The following BCAS3 variants were observed in gnomAD, a reference collection of about 807,000 sequenced individuals.
BCAS3 encodes BCAS3 microtubule associated cell migration factor.
In BCAS3, 53 loss-of-function variants were observed where a neutral mutation model predicts 116.1. The observed-to-expected ratio is 0.46, with a 90% confidence interval of 0.37 to 0.57. BCAS3 has a LOEUF of 0.57. Among genes scored for constraint, BCAS3 ranks in the 20% least tolerant of loss-of-function variants. The probability of loss-of-function intolerance (pLI) is 0.00; values close to 1 mark genes in which losing one functional copy is unlikely to be tolerated. For missense variants in BCAS3, 917 were observed against 1,165.4 expected (o/e 0.79, Z 3.10); for synonymous variants, 391 against 408.2 (o/e 0.96, Z 0.51).
intron 5 of BCAS3, among the ~76,000 whole-genome samples, chr17:60,737,574 C>T (rs2041105321): frequency 6.6e-6 from 1 of 152,002 alleles, no homozygotes; most frequent in African/African-American, 2.4e-5. Flanking sequence ...CTGCATTTCA[C>T]AAATTTTCTT....
rs2072877560 is a variant in BCAS3 at position 61,084,009 on chromosome 17, G to T, written c.2328-458G>T. ...AGTAACTTTCATTGAGCATTTTAAT[G>T]GAGCATCTCAAAATTTGAAATTACA... is the stretch of plus-strand genomic sequence containing the variant. On this transcript the variant is annotated intron_variant, in intron 21 of 23. Coordinates refer to ENST00000407086, the MANE Select transcript of BCAS3 (RefSeq NM_017679.5). This position sits in a 1 kb window ranked among gnomAD's most constrained non-coding sequence, Gnocchi z 5.5. 6.6e-6 allele frequency among the ~76,000 whole-genome samples: 1 copy of T among 151,658 alleles called. No homozygotes were observed. The highest frequency in any genetic ancestry group is 1.5e-5 in the Non-Finnish European group (1 of 67,886).
At chr17:60,802,542 A>C (rs1264979109) in intron 6 of BCAS3, among the ~76,000 whole-genome samples, 3 of 152,082 alleles carry the variant, frequency 2.0e-5, no homozygotes, top group Non-Finnish European at 4.4e-5. Context: ...CTTCCTGTGT[A>C]GTATTAGATA....
chr17:60,741,511 A>T (rs1321081035), intron 5 of BCAS3, among the ~76,000 whole-genome samples: 1 of 152,220 alleles, frequency 6.6e-6, no homozygotes, highest in African/African-American at 2.4e-5. Context: ...GTACTATCAT[A>T]CCTATCTGTG....
chr17:60,793,036 A>G (rs1461273184), intron 6 of BCAS3, among the ~76,000 whole-genome samples: 1 of 151,824 alleles, frequency 6.6e-6, no homozygotes, highest in Non-Finnish European at 1.5e-5. Context: ...TAATGTTCTC[A>G]AGGTTCATCC....
intron 6 of BCAS3, among the ~76,000 whole-genome samples, chr17:60,790,846 C>T (rs2046709422): frequency 1.3e-5 from 2 of 148,482 alleles, no homozygotes; most frequent in Admixed American, 1.4e-4. Context: ...CCGGTTTAAG[C>T]AATTCTCCTA....
chr17:61,017,384 G>A lies in BCAS3; in HGVS notation c.1637+1483G>A, dbSNP rs1452659197. Among the ~76,000 whole-genome samples, 2 of 152,038 alleles carry A rather than the reference G, an allele frequency of 1.3e-5. No homozygotes were observed. On this transcript the variant is annotated intron_variant, in intron 16 of 23. Coordinates refer to ENST00000407086, the MANE Select transcript of BCAS3 (RefSeq NM_017679.5). The surrounding 1 kb of genome is among the most constrained non-coding windows in gnomAD (Gnocchi z 4.7). ...AATTGTATCATCTTGATTCACTCCA[G>A]CATTGTACAATTCTCCAAAGTACTT...
intron 7 of BCAS3, among the ~76,000 whole-genome samples, chr17:60,818,405 T>G (rs567192617): frequency 2.6e-5 from 4 of 152,324 alleles, no homozygotes; most frequent in South Asian, 4.1e-4. Context: ...CTGCAGTGAC[T>G]TTATTTCAAC....
At chr17:61,178,691 A>G (rs1354417517) in intron 22 of BCAS3, among the ~76,000 whole-genome samples, 1 of 152,226 alleles carries the variant, frequency 6.6e-6, no homozygotes, top group East Asian at 1.9e-4. Context: ...GGTAATTGAC[A>G]TAACTTTTAA....
chr17:61,192,662 C>T (rs2080217356), intron 22 of BCAS3, among the ~76,000 whole-genome samples: 1 of 152,166 alleles, frequency 6.6e-6, no homozygotes, highest in Admixed American at 6.5e-5. Context: ...TACTTTTACA[C>T]AGTGGCAGTT....
chr17:61,273,101 CTTTAT>C (rs1041822696), intron 22 of BCAS3, among the ~76,000 whole-genome samples: 15 of 151,502 alleles, frequency 9.9e-5, no homozygotes, highest in African/African-American at 3.2e-4. Context: ...TCTGTTTTGC[CTTTAT>C]TTTATTTTTT....
intron 14 of BCAS3, among the ~76,000 whole-genome samples, chr17:60,953,629 G>A (rs930264572): frequency 3.9e-5 from 6 of 152,118 alleles, no homozygotes; most frequent in Non-Finnish European, 8.8e-5. Context: ...TCTTTGTCAT[G>A]AAACCTTTGC....
chr17:61,049,389 A>G (rs1438179096), intron 19 of BCAS3, among the ~76,000 whole-genome samples: 1 of 152,020 alleles, frequency 6.6e-6, no homozygotes, highest in African/African-American at 2.4e-5. Flanking sequence ...TTGTTTCTAA[A>G]ATGAAACACA....
intron 22 of BCAS3, among the ~76,000 whole-genome samples, chr17:61,230,194 A>G (rs1462781235): frequency 6.6e-6 from 1 of 152,090 alleles, no homozygotes; most frequent in Non-Finnish European, 1.5e-5. Context: ...ATATGTGCAT[A>G]TATGTATACT....
intron 22 of BCAS3, among the ~76,000 whole-genome samples, chr17:61,263,518 G>C (rs1397573536): frequency 6.6e-6 from 1 of 152,238 alleles, no homozygotes; most frequent in Non-Finnish European, 1.5e-5. Flanking sequence ...CAGCCTCATG[G>C]GACACAGAAC....
intron 13 of BCAS3, among the ~76,000 whole-genome samples, chr17:60,938,927 C>A (rs570651662): frequency 6.6e-6 from 1 of 152,244 alleles, no homozygotes; most frequent in South Asian, 2.1e-4. Context: ...ATTAAAAAGA[C>A]TGACAGTATC....
intron 6 of BCAS3, among the ~76,000 whole-genome samples, chr17:60,802,674 T>C (rs1480608067): frequency 6.6e-6 from 1 of 152,096 alleles, no homozygotes; most frequent in Non-Finnish European, 1.5e-5. Flanking sequence ...GGAGTTTCAC[T>C]CTTGTTGCCC....
intron 12 of BCAS3, among the ~76,000 whole-genome samples, chr17:60,923,963 A>G (rs1379778032): frequency 1.3e-5 from 2 of 152,194 alleles, no homozygotes; most frequent in African/African-American, 2.4e-5. Flanking sequence ...ATGTTTAACA[A>G]ATTATGTTGT....
chr17:61,340,527 T>G (rs969208720), intron 22 of BCAS3, among the ~76,000 whole-genome samples: 3 of 152,116 alleles, frequency 2.0e-5, no homozygotes, highest in Non-Finnish European at 4.4e-5. Context: ...GAAATAGCAC[T>G]GGAGGGCAGC....
chr17:61,367,861 G>A lies in BCAS3; in HGVS notation c.2426-466G>A, dbSNP rs139197304. On this transcript the variant is annotated intron_variant, in intron 22 of 23. Coordinates refer to ENST00000407086, the MANE Select transcript of BCAS3 (RefSeq NM_017679.5). The surrounding 1 kb of genome is among the most constrained non-coding windows in gnomAD (Gnocchi z 6.2). The stretch of plus-strand genomic sequence containing the variant: ...GGGTCTCGCGCTGTTGCCCAGGCTG[G>A]TCTCAAAGTCCTGGCCTCAAGCAAT... 5.9e-5 allele frequency: 9 copies of A among 152,474 alleles called. No individual in the cohort carries two copies. Among genetic ancestry groups the A allele is most frequent in the African/African-American group, 2.2e-4 (9 of 41,418 alleles). 9.4% of individuals were successfully genotyped at this position (152,474 alleles called of 1,614,324 possible).
Sources: gnomAD v4.1 joint callset for allele counts (sites outside exome capture counted in the v4.1 genomes callset) on GRCh38, gnomAD v4.1.1 for gene constraint, Gnocchi (gnomAD v3.1) non-coding constraint, MANE v1.5 for transcripts, NCBI Gene and HGNC (gene_info 2026-07-23, HGNC 2026-07-21) for gene names.